The following CEP112 variants were observed in gnomAD, a reference collection of about 807,000 sequenced individuals.
CEP112 encodes centrosomal protein 112.
CEP112 carries 127 observed loss-of-function variants against 153.0 expected under a neutral mutation model. That is an observed-to-expected ratio of 0.83 (90% CI 0.72 to 0.96). The LOEUF is 0.96. Among genes scored for constraint, CEP112 ranks in the 40% least tolerant of loss-of-function variants. The probability of loss-of-function intolerance (pLI) is 0.00; values close to 1 mark genes in which losing one functional copy is unlikely to be tolerated. For missense variants in CEP112, 1,089 were observed against 1,101.2 expected (o/e 0.99, Z 0.16); for synonymous variants, 358 against 374.4 (o/e 0.96, Z 0.51).
At chr17:65,772,031 A>T (rs1173782164) in intron 21 of CEP112, among the ~76,000 whole-genome samples, 1 of 152,122 alleles carries the variant, frequency 6.6e-6, no homozygotes, top group Non-Finnish European at 1.5e-5. Flanking sequence ...CTGAAAAAAA[A>T]ATTGCAAAGG....
At chr17:66,065,211 A>G (rs573953766) in intron 10 of CEP112, among the ~76,000 whole-genome samples, 2 of 152,296 alleles carry the variant, frequency 1.3e-5, no homozygotes, top group Admixed American at 1.3e-4. Flanking sequence ...TTAACATGCA[A>G]AATTACAGCA....
chr17:66,045,714 T>A (rs2066173999), intron 12 of CEP112, among the ~76,000 whole-genome samples: 1 of 152,224 alleles, frequency 6.6e-6, no homozygotes, highest in African/African-American at 2.4e-5. Flanking sequence ...TACTTGTGTA[T>A]GTTCTGGGCA....
chr17:65,831,131 C>T (rs2057059455), intron 21 of CEP112, among the ~76,000 whole-genome samples: 1 of 152,166 alleles, frequency 6.6e-6, no homozygotes, highest in Non-Finnish European at 1.5e-5. Flanking sequence ...AAATGTGCAG[C>T]CACCAACATA....
At chr17:65,919,971 C>A (rs2060641290) in intron 19 of CEP112, among the ~76,000 whole-genome samples, 1 of 151,882 alleles carries the variant, frequency 6.6e-6, no homozygotes, top group African/African-American at 2.4e-5. Context: ...TCTGTGGGAC[C>A]CTGGGCCATT....
At chr17:66,158,637 T>C (rs996682345) in intron 4 of CEP112, among the ~76,000 whole-genome samples, 1 of 152,018 alleles carries the variant, frequency 6.6e-6, no homozygotes, top group East Asian at 1.9e-4. Flanking sequence ...GAAATAAAGT[T>C]GTTCTTTGAA....
At chr17:65,841,819 C>T (rs2057528710) in intron 21 of CEP112, among the ~76,000 whole-genome samples, 1 of 151,652 alleles carries the variant, frequency 6.6e-6, no homozygotes, top group Non-Finnish European at 1.5e-5. Flanking sequence ...GCATAATTAT[C>T]AGCACTAATC....
At chr17:65,650,514 C>CTGGGCTCAGTACCTGGAGGCTG (rs1301580848) in intron 24 of CEP112, among the ~76,000 whole-genome samples, 2 of 152,098 alleles carry the variant, frequency 1.3e-5, no homozygotes, top group African/African-American at 4.8e-5. Flanking sequence ...CTGCTTGCTG[C>CTGGGCTCAGTACCTGGAGGCTG]TGGGCTCAGT....
chr17:66,171,910 T>C (rs1411852169), intron 4 of CEP112, among the ~76,000 whole-genome samples: 2 of 152,212 alleles, frequency 1.3e-5, no homozygotes, highest in Non-Finnish European at 1.5e-5. Context: ...TCCTTCATTG[T>C]CATTCCTCAC....
chr17:65,753,471 A>G (rs1191571293), intron 21 of CEP112, among the ~76,000 whole-genome samples: 1 of 152,164 alleles, frequency 6.6e-6, no homozygotes. Context: ...ATCTCTTTGT[A>G]TCTATAATCC....
At chr17:65,949,607 C>T (rs8066786) in intron 18 of CEP112, among the ~76,000 whole-genome samples, 9,840 of 152,144 alleles carry the variant, frequency 0.065, 464 homozygotes, top group African/African-American at 0.12. Flanking sequence ...AAGACAGAAA[C>T]ACATGAACTC....
chr17:65,878,885 A>G (rs2058949019), intron 20 of CEP112, among the ~76,000 whole-genome samples: 1 of 152,100 alleles, frequency 6.6e-6, no homozygotes, highest in Admixed American at 6.6e-5. Flanking sequence ...AGCTTCTAGT[A>G]TGGCTTCTAC....
intron 24 of CEP112, among the ~76,000 whole-genome samples, chr17:65,674,936 C>T (rs980780362): frequency 1.3e-5 from 2 of 152,156 alleles, no homozygotes; most frequent in African/African-American, 4.8e-5. Context: ...AGAACCAAGA[C>T]ATAGGTCCAA....
intron 6 of CEP112, among the ~76,000 whole-genome samples, chr17:66,111,339 A>T (rs1440401229): frequency 1.3e-5 from 2 of 152,216 alleles, no homozygotes. Context: ...CATTTGACCC[A>T]GCAACCCCAT....
chr17:65,706,669 G>A (rs753908961), intron 23 of CEP112, among the ~76,000 whole-genome samples: 2 of 152,112 alleles, frequency 1.3e-5, no homozygotes, highest in African/African-American at 4.8e-5. Context: ...CTAGATTAAC[G>A]GAACCCATAT....
At chr17:65,994,346 G>C (rs2063706607) in intron 17 of CEP112, among the ~76,000 whole-genome samples, 1 of 152,116 alleles carries the variant, frequency 6.6e-6, no homozygotes. Context: ...TGTTGTTATT[G>C]AGACAGGGTC....
At chr17:66,149,479 G>A (rs951897001) in intron 4 of CEP112, among the ~76,000 whole-genome samples, 2 of 152,104 alleles carry the variant, frequency 1.3e-5, no homozygotes, top group African/African-American at 2.4e-5. Context: ...TGTCTGTTGA[G>A]AGGTTTTTGA....
chr17:65,699,188 A>C (rs946523295), intron 23 of CEP112, among the ~76,000 whole-genome samples: 1 of 152,262 alleles, frequency 6.6e-6, no homozygotes, highest in Admixed American at 6.5e-5. Context: ...TCACCAGAGC[A>C]GCGGCCTTTG....
At chr17:66,061,767 G>T (rs527682987) in intron 11 of CEP112, among the ~76,000 whole-genome samples, 1 of 152,112 alleles carries the variant, frequency 6.6e-6, no homozygotes, top group Non-Finnish European at 1.5e-5. Context: ...AACAGATAGC[G>T]ATTACAAGAA....
intron 9 of CEP112, among the ~76,000 whole-genome samples, chr17:66,068,647 C>T (rs2067205599): frequency 1.3e-5 from 2 of 152,134 alleles, no homozygotes; most frequent in Admixed American, 1.3e-4. Context: ...ACTAGTTGCA[C>T]TGTCTGCTGC....
Sources: gnomAD v4.1 joint callset for allele counts (sites outside exome capture counted in the v4.1 genomes callset) on GRCh38, gnomAD v4.1.1 for gene constraint, MANE v1.5 for transcripts, NCBI Gene and HGNC (gene_info 2026-07-23, HGNC 2026-07-21) for gene names.